The following ROBO1 variants were observed in gnomAD, a reference collection of about 807,000 sequenced individuals.
ROBO1 encodes the protein roundabout guidance receptor 1.
In ROBO1, 149 loss-of-function variants were observed where a neutral mutation model predicts 195.9. The observed-to-expected ratio is 0.76, with a 90% CI of 0.67 to 0.87. The LOEUF (loss-of-function observed/expected upper bound fraction) is 0.87, where lower values mean the gene tolerates loss of function less well. Among genes scored for constraint, ROBO1 ranks in the 40% least tolerant of loss-of-function variants. The pLI, the probability that ROBO1 is intolerant of heterozygous loss-of-function variation, is 0.00. For synonymous variants in ROBO1, 816 were observed against 733.2 expected (o/e 1.11, Z -1.82); for missense variants, 1,933 against 2,068.3 (o/e 0.93, Z 1.27).
At chr3:79,700,943 A>T (rs979116204) in intron 1 of ROBO1, among the ~76,000 whole-genome samples, 1 of 151,742 alleles carries the variant, frequency 6.6e-6, no homozygotes, top group Non-Finnish European at 1.5e-5. Context: ...TTCTGCTAGG[A>T]TTCTTATAGT....
At chr3:79,067,687 T>C (rs2079025947) in intron 3 of ROBO1, among the ~76,000 whole-genome samples, 1 of 151,984 alleles carries the variant, frequency 6.6e-6, no homozygotes, top group Non-Finnish European at 1.5e-5. Context: ...GAAAGAATTA[T>C]AATGCCTGTA....
chr3:79,171,065 G>T (rs2081156258), intron 2 of ROBO1, among the ~76,000 whole-genome samples: 1 of 150,650 alleles, frequency 6.6e-6, no homozygotes, highest in African/African-American at 2.4e-5. Context: ...ATATAATAAT[G>T]ACTTTCTATA....
chr3:78,813,438 G>A (rs1306822578), intron 4 of ROBO1, among the ~76,000 whole-genome samples: 5 of 152,060 alleles, frequency 3.3e-5, no homozygotes, highest in East Asian at 3.9e-4. Flanking sequence ...AAAAACTGTC[G>A]TGTCTTTATT....
intron 1 of ROBO1, among the ~76,000 whole-genome samples, chr3:79,709,982 A>C (rs573875120): frequency 6.6e-6 from 1 of 152,298 alleles, no homozygotes; most frequent in Non-Finnish European, 1.5e-5. Context: ...GAATTGTGAG[A>C]AATAAATTTC....
intron 2 of ROBO1, among the ~76,000 whole-genome samples, chr3:79,557,760 A>G (rs890590886): frequency 2.1e-5 from 3 of 145,276 alleles, no homozygotes; most frequent in Non-Finnish European, 4.5e-5. Context: ...ATATATATAT[A>G]TATATTTTAT....
rs143425948 is a variant in ROBO1, at chr3:78,919,842, C to T, written c.499+18759G>A. On this transcript the variant is annotated intron_variant, in intron 4 of 30. Transcript: ENST00000464233. ...CATCTCAAATTTTATTGGAGGAATCCATTTTTTAGTATACTAATCTTGTGA... is the reference window on the plus strand; with the variant it reads ...CATCTCAAATTTTATTGGAGGAATCTATTTTTTAGTATACTAATCTTGTGA... Among the ~76,000 whole-genome samples, 444 of 152,284 alleles carry T rather than the reference C, an allele frequency of 2.9e-3. 6 individuals carry two copies. The highest frequency in any genetic ancestry group is 9.8e-3 in the African/African-American group (409 of 41,556).
chr3:79,492,020 C>T (rs1266512466), intron 2 of ROBO1, among the ~76,000 whole-genome samples: 7 of 150,734 alleles, frequency 4.6e-5, no homozygotes, highest in Non-Finnish European at 7.4e-5. Flanking sequence ...TTGGTTGTAA[C>T]TTACATTTGA....
intron 2 of ROBO1, among the ~76,000 whole-genome samples, chr3:79,576,775 G>T (rs1160238912): frequency 2.0e-5 from 3 of 152,116 alleles, no homozygotes; most frequent in Admixed American, 6.6e-5. Context: ...AATAGAAAAT[G>T]AATTCAGAAA....
intron 1 of ROBO1, among the ~76,000 whole-genome samples, chr3:79,723,609 T>C (rs1251295895): frequency 6.6e-6 from 1 of 152,150 alleles, no homozygotes; most frequent in Non-Finnish European, 1.5e-5. Flanking sequence ...TACACTAAGA[T>C]AATACACTAG....
chr3:79,348,652 C>G (rs2035225551), intron 2 of ROBO1, among the ~76,000 whole-genome samples: 1 of 152,164 alleles, frequency 6.6e-6, no homozygotes, highest in Non-Finnish European at 1.5e-5. Context: ...TTTTCCCTCC[C>G]AATGACAACA....
At chr3:78,711,353 TCCTTCCTTCCTTCCTTC>T (rs2081701360) in intron 8 of ROBO1, among the ~76,000 whole-genome samples, 6 of 42,372 alleles carry the variant, frequency 1.4e-4, no homozygotes, top group African/African-American at 5.9e-4. Flanking sequence ...CCTTCCTCCT[TCCTTCCTTCCTTCCTTC>T]CTTCCTTCCT....
intron 2 of ROBO1, among the ~76,000 whole-genome samples, chr3:79,253,536 T>C (rs2082771246): frequency 6.6e-6 from 1 of 152,214 alleles, no homozygotes; most frequent in Admixed American, 6.5e-5. Context: ...GAGCAAATAG[T>C]GGGTGCCTAC....
At chr3:78,810,619 T>A (rs929948723) in intron 4 of ROBO1, among the ~76,000 whole-genome samples, 1 of 152,122 alleles carries the variant, frequency 6.6e-6, no homozygotes, top group African/African-American at 2.4e-5. Context: ...CTAACCCTGC[T>A]TATATTGATG....
intron 8 of ROBO1, among the ~76,000 whole-genome samples, chr3:78,704,955 T>G (rs1175159068): frequency 6.6e-6 from 1 of 152,246 alleles, no homozygotes; most frequent in Non-Finnish European, 1.5e-5. Context: ...ACATTTCTTT[T>G]TGTGGATTAC....
intron 2 of ROBO1, among the ~76,000 whole-genome samples, chr3:79,161,796 A>C (rs2080971556): frequency 6.6e-6 from 1 of 152,076 alleles, no homozygotes; most frequent in Admixed American, 6.6e-5. Flanking sequence ...GTACACACTC[A>C]TTGTTAGATA....
chr3:78,941,382 C>T (rs2040131985), intron 3 of ROBO1, among the ~76,000 whole-genome samples: 1 of 152,198 alleles, frequency 6.6e-6, no homozygotes, highest in Non-Finnish European at 1.5e-5. Context: ...ACAGTCAGTG[C>T]TATACAACTT....
intron 29 of ROBO1, among the ~76,000 whole-genome samples, chr3:78,605,551 A>G (rs906102219): frequency 6.6e-6 from 1 of 152,190 alleles, no homozygotes; most frequent in Non-Finnish European, 1.5e-5. Context: ...CTCTGCTGAA[A>G]TTCAGACTTT....
intron 2 of ROBO1, among the ~76,000 whole-genome samples, chr3:79,145,123 T>A (rs905999235): frequency 5.3e-5 from 8 of 151,986 alleles, no homozygotes; most frequent in Admixed American, 2.6e-4. Flanking sequence ...CATGAAGCTA[T>A]AACTATCAGT....
chr3:79,248,020 C>T (rs115282798), intron 2 of ROBO1, among the ~76,000 whole-genome samples: 3,494 of 152,152 alleles, frequency 0.023, 114 homozygotes, highest in African/African-American at 0.075. Flanking sequence ...AAATATTAAA[C>T]ATTAATGATG....
Sources: gnomAD v4.1 joint callset for allele counts (sites outside exome capture counted in the v4.1 genomes callset) on GRCh38, gnomAD v4.1.1 for gene constraint, MANE v1.5 for transcripts, NCBI Gene and HGNC (gene_info 2026-07-23, HGNC 2026-07-21) for gene names.